Variants in FGD5 observed in about 807,000 individuals in gnomAD.
The protein encoded by FGD5 is FYVE, RhoGEF and PH domain containing 5, also known as FYVE, RhoGEF and PH domain-containing protein 5.
A neutral mutation model predicts 133.4 loss-of-function variants in FGD5; 28 were observed. That is an observed-to-expected ratio of 0.21 (90% CI 0.16 to 0.29). The LOEUF is 0.29. FGD5 is among the 10% of genes least tolerant of loss of function. FGD5 has a pLI of 1.00. For missense variants in FGD5, 1,858 were observed against 1,895.2 expected (o/e 0.98, Z 0.36); for synonymous variants, 810 against 776.5 (o/e 1.04, Z -0.72).
intron 4 of FGD5, among the ~76,000 whole-genome samples, chr3:14,884,596 G>A (rs2125121074): frequency 6.6e-6 from 1 of 152,314 alleles, no homozygotes; most frequent in Middle Eastern, 3.4e-3. Context: ...CCAGAACTTA[G>A]TGGCATAAGA....
chr3:14,844,103 C>T (rs369446741), intron 1 of FGD5, among the ~76,000 whole-genome samples: 5 of 148,184 alleles, frequency 3.4e-5, no homozygotes, highest in East Asian at 2.0e-4. Context: ...CTGACAAAAG[C>T]GAAGTGGCTT....
At chr3:14,912,979 T>G (rs1279508616) in intron 11 of FGD5, among the ~76,000 whole-genome samples, 1 of 151,926 alleles carries the variant, frequency 6.6e-6, no homozygotes, top group Non-Finnish European at 1.5e-5. Context: ...GGGGTTGCAG[T>G]GAGCTCAGAT....
chr3:14,813,349 C>T (rs964591540), intron 1 of FGD5, among the ~76,000 whole-genome samples: 1 of 152,142 alleles, frequency 6.6e-6, no homozygotes, highest in Non-Finnish European at 1.5e-5. Context: ...GTGCTGTCTT[C>T]CTGGTAGTGC....
intron 18 of FGD5, among the ~76,000 whole-genome samples, chr3:14,930,605 G>GAA (rs201650999): frequency 2.0e-3 from 309 of 151,876 alleles, no homozygotes; most frequent in African/African-American, 7.1e-3. Context: ...TCTCAAAAAA[G>GAA]AAAAAAAATT....
intron 16 of FGD5, 83 bp downstream of exon 16, chr3:14,923,258 T>C: frequency 6.6e-7 from 1 of 1,517,078 alleles, no homozygotes; most frequent in Non-Finnish European, 8.8e-7. Flanking sequence ...GGTCCATGGT[T>C]CATGCCTGAA....
Position 14,926,319 on chromosome 3 carries a change from G to A in FGD5, c.4197+121G>A, listed in dbSNP as rs2038802427. ...CCTGGCTGCTGAGCCAGTTCTGGTG[G>A]CAGTCAAGTCTTTAGTGAGCAATGC... is the stretch of plus-strand genomic sequence containing the variant. On this transcript the variant is annotated intron_variant, in intron 18 of 19. Coordinates refer to ENST00000285046, the MANE Select transcript of FGD5 (RefSeq NM_152536.4). 2.2e-6 allele frequency: 3 copies of A among 1,346,728 alleles called. No individual in the cohort carries two copies. The East Asian group carries it at 7.1e-5, about 32-fold the overall frequency. 83.4% of individuals were successfully genotyped at this position (1,346,728 alleles called of 1,614,324 possible).
chr3:14,844,216 AAATATATATAT>A (rs1246475039), intron 1 of FGD5, among the ~76,000 whole-genome samples: 3 of 30,378 alleles, frequency 9.9e-5, no homozygotes, highest in East Asian at 1.1e-3. Flanking sequence ...AAAAAAAAAA[AAATATATATAT>A]ATATATATAT....
chr3:14,845,847 C>T (rs991688274), intron 1 of FGD5, among the ~76,000 whole-genome samples: 1 of 152,192 alleles, frequency 6.6e-6, no homozygotes, highest in African/African-American at 2.4e-5. Context: ...CAGGTCCTCC[C>T]TGACTAGTGG....
intron 9 of FGD5, among the ~76,000 whole-genome samples, chr3:14,904,936 G>T (rs1304599849): frequency 1.3e-5 from 2 of 152,122 alleles, no homozygotes; most frequent in South Asian, 4.1e-4. Flanking sequence ...TTATAGGCAT[G>T]AGCCACCATG....
At chr3:14,887,184 TG>T in intron 4 of FGD5, among the ~76,000 whole-genome samples, 1 of 152,216 alleles carries the variant, frequency 6.6e-6, no homozygotes, top group Non-Finnish European at 1.5e-5. Flanking sequence ...TCATGTGTTT[TG>T]GGGCTCTTTT....
At chr3:14,912,190 G>A (rs573266124) in intron 11 of FGD5, among the ~76,000 whole-genome samples, 1 of 152,252 alleles carries the variant, frequency 6.6e-6, no homozygotes, top group South Asian at 2.1e-4. Flanking sequence ...GGTGGTGCTG[G>A]TGGAGAAATC....
At chr3:14,873,574 T>C (rs2037651722) in intron 2 of FGD5, among the ~76,000 whole-genome samples, 1 of 152,168 alleles carries the variant, frequency 6.6e-6, no homozygotes, top group Admixed American at 6.5e-5. Flanking sequence ...GAGCCAACAC[T>C]GGCCCTTTCT....
At chr3:14,853,811 T>C (rs932105447) in intron 1 of FGD5, among the ~76,000 whole-genome samples, 1 of 147,348 alleles carries the variant, frequency 6.8e-6, no homozygotes. Context: ...ACATATCCTC[T>C]TACAACTCTA....
At position 14,821,252 on chromosome 3, in the gene FGD5, T is replaced by C. The variant is rs377075576; in HGVS notation, c.2181T>C (p.Asp727=). ...CCTCCTCCCTCATCTTTTATAGAGATGGCAAGAGGAAAGGTGTCCCCTTCA... is the reference window on the plus strand; with the variant it reads ...CCTCCTCCCTCATCTTTTATAGAGACGGCAAGAGGAAAGGTGTCCCCTTCA... The part of the protein sequence containing the change: ...ESPSSLIFYR[D]GKRKGVPFSR... The change falls in exon 1 of 20, where the codon GAT becomes GAC. Residue 727 remains aspartate, a synonymous_variant. Transcript: ENST00000285046. 11 of 1,613,776 alleles carry C rather than the reference T, an allele frequency of 6.8e-6. No individual in the cohort carries two copies. The highest frequency in any genetic ancestry group is 5.3e-5 in the African/African-American group (4 of 74,878).
At chr3:14,920,180 G>A (rs115228753) in intron 13 of FGD5, among the ~76,000 whole-genome samples, 466 of 152,162 alleles carry the variant, frequency 3.1e-3, no homozygotes, top group Admixed American at 6.9e-3. Context: ...AGCCAGGGAC[G>A]TGCATGGCAG....
chr3:14,831,366 T>C (rs2036704181), intron 1 of FGD5, among the ~76,000 whole-genome samples: 1 of 152,224 alleles, frequency 6.6e-6, no homozygotes, highest in Non-Finnish European at 1.5e-5. Context: ...CAGCAAGTAG[T>C]TCAAAACTGT....
intron 19 of FGD5, 92 bp downstream of exon 19, chr3:14,932,823 T>G: frequency 1.4e-6 from 2 of 1,448,664 alleles, no homozygotes; most frequent in East Asian, 2.3e-5. Context: ...TCTGCTCCAT[T>G]CATCCTATCC....
intron 1 of FGD5, among the ~76,000 whole-genome samples, chr3:14,839,179 ACATTTGACCCGT>A (rs1702645153): frequency 6.6e-6 from 1 of 152,204 alleles, no homozygotes; most frequent in African/African-American, 2.4e-5. Flanking sequence ...GCTTCTGGGG[ACATTTGACCCGT>A]CATTTCTGAC....
intron 2 of FGD5, among the ~76,000 whole-genome samples, chr3:14,873,575 G>A (rs2037651781): frequency 6.6e-6 from 1 of 152,102 alleles, no homozygotes; most frequent in Non-Finnish European, 1.5e-5. Flanking sequence ...AGCCAACACT[G>A]GCCCTTTCTT....
Sources: gnomAD v4.1 joint callset for allele counts (sites outside exome capture counted in the v4.1 genomes callset) on GRCh38, gnomAD v4.1.1 for gene constraint, MANE v1.5 for transcripts, NCBI Gene and HGNC (gene_info 2026-07-23, HGNC 2026-07-21) for gene names.